The following MCC variants were observed in gnomAD, a reference collection of about 807,000 sequenced individuals.
The protein encoded by MCC is colorectal mutant cancer protein.
A neutral mutation model predicts 116.2 loss-of-function variants in MCC; 90 were observed. The observed-to-expected ratio is 0.77, with a 90% CI of 0.65 to 0.92. The LOEUF (loss-of-function observed/expected upper bound fraction) is 0.92. Ranked by LOEUF, MCC falls within the 40% of genes least tolerant of loss-of-function variation. The pLI, the probability that MCC is intolerant of heterozygous loss-of-function variation, is 0.00. For synonymous variants in MCC, 578 were observed against 510.5 expected (o/e 1.13, Z -1.78); for missense variants, 1,516 against 1,312.2 (o/e 1.16, Z -2.40).
At chr5:113,148,510 T>A (rs529154348) in intron 4 of MCC, among the ~76,000 whole-genome samples, 2 of 152,344 alleles carry the variant, frequency 1.3e-5, no homozygotes, top group Middle Eastern at 3.4e-3. Context: ...ACATTTTACA[T>A]TTTAATCATG....
At chr5:113,257,510 A>G (rs929875636) in intron 3 of MCC, among the ~76,000 whole-genome samples, 2 of 152,182 alleles carry the variant, frequency 1.3e-5, no homozygotes, top group Admixed American at 1.3e-4. Context: ...AGTTTAAGTG[A>G]GAAAGAGACT....
chr5:113,054,564 AC>A (rs1752689863), intron 14 of MCC, among the ~76,000 whole-genome samples: 2 of 152,132 alleles, frequency 1.3e-5, no homozygotes, highest in African/African-American at 4.8e-5. Context: ...GCGGAGCAGC[AC>A]CGAAGGGGGC....
intron 16 of MCC, among the ~76,000 whole-genome samples, chr5:113,046,793 G>A (rs900616106): frequency 6.8e-6 from 1 of 147,164 alleles, no homozygotes; most frequent in Non-Finnish European, 1.5e-5. Flanking sequence ...ATACAGTACC[G>A]CATGGCTGAT....
rs1561405596 is a variant in MCC, at chr5:113,151,348, CCT to C, written c.700_701del (p.Arg234GlyfsTer24). 1.2e-6 allele frequency: 2 copies of C among 1,613,812 alleles called. No homozygotes were observed. Among genetic ancestry groups the C allele is most frequent in the Non-Finnish European group, 8.5e-7 (1 of 1,179,858 alleles). On this transcript the variant is annotated frameshift_variant, in exon 4 of 19. Coordinates refer to ENST00000408903, the MANE Select transcript of MCC (RefSeq NM_001085377.2). LOFTEE classifies it high-confidence loss of function. ...ATTTCTTTTCCAGAAGGTCCCGTTC[CCT>C]CTCTGTTTGCTGGAGACGTTTATTA... is the stretch of plus-strand genomic sequence containing the variant. ...ELNKRLQQTE[R>X]ERDLLEKKLA...
chr5:113,339,438 T>TGTGTGTGTGTGTGC (rs145838279), intron 3 of MCC, among the ~76,000 whole-genome samples: 32 of 149,666 alleles, frequency 2.1e-4, no homozygotes, highest in African/African-American at 6.5e-4. Context: ...TGTGTGTGTG[T>TGTGTGTGTGTGTGC]GCGTGCATGT....
At chr5:113,390,050 G>T (rs764005188) in intron 1 of MCC, among the ~76,000 whole-genome samples, 13 of 152,052 alleles carry the variant, frequency 8.5e-5, no homozygotes, top group Non-Finnish European at 1.6e-4. Context: ...AGATAGTCCA[G>T]CAGAGAACTA....
rs555031995 is a variant in MCC at position 113,190,004 on chromosome 5, G to A, written c.628-38582C>T. 2.1e-4 allele frequency among the ~76,000 whole-genome samples: 32 copies of A among 152,256 alleles called. 1 individual carries two copies. The highest frequency in any genetic ancestry group is 6.3e-4 in the African/African-American group (26 of 41,548). On this transcript the variant is annotated intron_variant, in intron 3 of 18. Transcript: ENST00000408903. The stretch of plus-strand genomic sequence containing the variant: ...ATGGACCACTCAGGGGCCTGTGTCC[G>A]CCTGAAGTACCCAGCCTCAGTCTCA...
chr5:113,032,089 T>C (rs924127235), intron 17 of MCC, among the ~76,000 whole-genome samples: 1 of 152,102 alleles, frequency 6.6e-6, no homozygotes, highest in African/African-American at 2.4e-5. Context: ...CACAAAAAAA[T>C]GTAAAATATC....
At chr5:113,144,458 G>A (rs185799265) in intron 4 of MCC, among the ~76,000 whole-genome samples, 1 of 152,342 alleles carries the variant, frequency 6.6e-6, no homozygotes, top group East Asian at 1.9e-4. Context: ...AGAGCCATAT[G>A]TGCTTTCCAG....
rs137920961 is a variant in MCC, at chr5:113,086,178, G to A, written c.1399-868C>T. Among the ~76,000 whole-genome samples, 1,441 of 152,230 alleles carry A rather than the reference G, an allele frequency of 9.5e-3. 2 individuals are homozygous for A. The highest frequency in any genetic ancestry group is 0.014 in the Non-Finnish European group (927 of 68,016). On this transcript the variant is annotated intron_variant, in intron 8 of 18. Coordinates refer to ENST00000408903, the MANE Select transcript of MCC (RefSeq NM_001085377.2). ...TATAAATTTCTATGTCAAGTGTTAC[G>A]GGAAGCAGAAAAAGGGAAGAATATA...
chr5:113,388,878 C>T (rs528121280), intron 1 of MCC, among the ~76,000 whole-genome samples: 2 of 152,274 alleles, frequency 1.3e-5, no homozygotes, highest in East Asian at 3.9e-4. Flanking sequence ...CCAAATCGGT[C>T]TGATTCTAGA....
rs145242706 is a variant in MCC at position 113,184,478 on chromosome 5, TG to T, written c.628-33057del. ...CAATTTAGTTTCTTTCTTCGTTTTT[TG>T]TTTTTTTTTTTTTTTTTTGGAGACA... is the stretch of plus-strand genomic sequence containing the variant. On this transcript the variant is annotated intron_variant, in intron 3 of 18. Coordinates refer to ENST00000408903, the MANE Select transcript of MCC (RefSeq NM_001085377.2). Among the ~76,000 whole-genome samples, 126 of 125,968 alleles carry T rather than the reference TG, an allele frequency of 1.0e-3. 1 individual carries two copies. Among genetic ancestry groups the T allele is most frequent in the Middle Eastern group, 4.3e-3 (1 of 232 alleles). The allele number at this position is 125,968 out of a possible 152,430, so 82.6% of individuals were successfully genotyped here.
intron 3 of MCC, among the ~76,000 whole-genome samples, chr5:113,264,084 G>A (rs1009215797): frequency 6.6e-6 from 1 of 152,174 alleles, no homozygotes; most frequent in African/African-American, 2.4e-5. Flanking sequence ...CAAAAATTAA[G>A]TGATTCCGAA....
intron 1 of MCC, among the ~76,000 whole-genome samples, chr5:113,472,209 G>A (rs366219): frequency 0.31 from 47,152 of 151,966 alleles, 7,741 homozygotes; most frequent in African/African-American, 0.36. Context: ...AGATGAACCC[G>A]GTACCTCAGT....
At chr5:113,428,595 C>T (rs1770542519) in intron 1 of MCC, 2 of 152,252 alleles carry the variant, frequency 1.3e-5, no homozygotes, top group Non-Finnish European at 2.9e-5. Context: ...TGAGACATCT[C>T]CTGTAAGTCT....
At position 113,053,917 on chromosome 5, in the gene MCC, A is replaced by T. The variant is rs1752647962; in HGVS notation, c.2256T>A (p.Thr752=). Residue 752 remains threonine (T), a synonymous_variant, in exon 15 of 19, where the codon ACT becomes ACA. Transcript: ENST00000408903. ...STASSCDTEF[T]KEDEQRLKDY... ...CCTTCAGCCTCTGCTCGTCTTCTTT[A>T]GTGAACTCGGTGTCGCAACTACTGG... The T allele has an allele frequency of 3.7e-6, 6 of 1,613,906 alleles. No homozygotes were observed. Among genetic ancestry groups the T allele is most frequent in the Non-Finnish European group, 5.1e-6 (6 of 1,179,810 alleles).
intron 8 of MCC, among the ~76,000 whole-genome samples, chr5:113,093,718 G>C (rs900527093): frequency 2.6e-5 from 4 of 151,732 alleles, no homozygotes; most frequent in African/African-American, 9.7e-5. Context: ...AATTGTGGGA[G>C]CACAGACAAG....
intron 15 of MCC, among the ~76,000 whole-genome samples, chr5:113,052,288 G>A (rs1330097443): frequency 6.6e-6 from 1 of 152,196 alleles, no homozygotes; most frequent in Non-Finnish European, 1.5e-5. Context: ...GCCACAGGCT[G>A]CAAGCATCTG....
At chr5:113,136,560 C>T (rs1758839662) in intron 5 of MCC, among the ~76,000 whole-genome samples, 2 of 152,064 alleles carry the variant, frequency 1.3e-5, no homozygotes, top group Non-Finnish European at 2.9e-5. Flanking sequence ...GGAGTGCAAG[C>T]AAGGAATCAA....
Sources: gnomAD v4.1 joint callset for allele counts (sites outside exome capture counted in the v4.1 genomes callset) on GRCh38, gnomAD v4.1.1 for gene constraint, MANE v1.5 for transcripts, NCBI Gene and HGNC (gene_info 2026-07-23, HGNC 2026-07-21) for gene names.